SLC35E2B: variants seen among roughly 807,000 people sequenced by gnomAD.
SLC35E2B encodes the protein solute carrier family 35, member E2B.
A neutral mutation model predicts 32.4 loss-of-function variants in SLC35E2B; 18 were observed. That is an observed-to-expected ratio of 0.56 (90% CI 0.38 to 0.82). The LOEUF is 0.82. Ranked by LOEUF, SLC35E2B falls within the 40% of genes least tolerant of loss-of-function variation. The pLI is 0.00. For synonymous variants in SLC35E2B, 132 were observed against 209.1 expected (o/e 0.63, Z 3.18); for missense variants, 263 against 469.5 (o/e 0.56, Z 4.06).
Position 1,670,207 on chromosome 1 carries a change from G to C in SLC35E2B, c.708-56C>G, listed in dbSNP as rs555458885. Reference sequence around the variant, plus strand: ...TACTAGTCCTCGGCACGGAACATCAGGGGGAGAAGGTGTCTGCGCTCACAC... The same window carrying C: ...TACTAGTCCTCGGCACGGAACATCACGGGGAGAAGGTGTCTGCGCTCACAC... On this transcript the variant is annotated intron_variant, in intron 6 of 9. Coordinates refer to ENST00000617444, the MANE Select transcript of SLC35E2B (RefSeq NM_001290264.2). The C allele has an allele frequency of 4.6e-5, 60 of 1,291,400 alleles. 1 individual carries two copies. The Middle Eastern group carries it at 5.4e-4, about 12-fold the overall frequency. 80.0% of individuals were successfully genotyped at this position (1,291,400 alleles called of 1,614,324 possible).
At chr1:1,683,058 C>T (rs982245709) in intron 2 of SLC35E2B, among the ~76,000 whole-genome samples, 2 of 151,948 alleles carry the variant, frequency 1.3e-5, no homozygotes, top group African/African-American at 4.8e-5. Context: ...GCCTGGGGGA[C>T]AGAGCGAGAC....
At chr1:1,683,240 C>T (rs1351979539) in intron 2 of SLC35E2B, among the ~76,000 whole-genome samples, 1 of 152,150 alleles carries the variant, frequency 6.6e-6, no homozygotes, top group Non-Finnish European at 1.5e-5. Context: ...TCAATTCCCT[C>T]CCGAAGCCGT....
intron 6 of SLC35E2B, 135 bp downstream of exon 6, chr1:1,671,374 T>G: frequency 9.6e-7 from 1 of 1,037,178 alleles, no homozygotes; most frequent in Non-Finnish European, 1.3e-6. Context: ...GTTTTGCTCT[T>G]TAGGAAAGGG....
At chr1:1,688,471 G>C (rs1017624562) in intron 2 of SLC35E2B, among the ~76,000 whole-genome samples, 44 of 151,712 alleles carry the variant, frequency 2.9e-4, no homozygotes, top group African/African-American at 1.0e-3. Flanking sequence ...ATGATGGCGC[G>C]TGCCTGTAAT....
intron 2 of SLC35E2B, among the ~76,000 whole-genome samples, chr1:1,688,225 T>C (rs1341486589): frequency 6.6e-6 from 1 of 151,594 alleles, no homozygotes; most frequent in Admixed American, 6.6e-5. Context: ...ATCATCAGAG[T>C]GACAGAATGA....
chr1:1,671,771 T>G, intron 5 of SLC35E2B, 142 bp from the exon 6 acceptor site: 1 of 971,982 alleles, frequency 1.0e-6, no homozygotes, highest in Non-Finnish European at 1.4e-6. Context: ...TTTCTTCACA[T>G]TGTGAGATAA....
At chr1:1,684,771 C>A (rs1305093178) in intron 2 of SLC35E2B, among the ~76,000 whole-genome samples, 5 of 111,934 alleles carry the variant, frequency 4.5e-5, no homozygotes, top group South Asian at 5.8e-4. Context: ...GCCTGGGCAA[C>A]AGAGCGAGAC....
At chr1:1,670,960 C>G (rs964557066) in intron 6 of SLC35E2B, 1 of 152,134 alleles carries the variant, frequency 6.6e-6, no homozygotes, top group South Asian at 2.1e-4. Context: ...GAACGGCCCC[C>G]GAAGTGCAGC....
At chr1:1,678,942 G>A (rs982689859) in intron 2 of SLC35E2B, among the ~76,000 whole-genome samples, 35 of 152,126 alleles carry the variant, frequency 2.3e-4, no homozygotes, top group African/African-American at 7.7e-4. Flanking sequence ...CAAAGGGTGC[G>A]GCAGAGCAAA....
At chr1:1,667,823 C>T (rs973826387) in intron 9 of SLC35E2B, among the ~76,000 whole-genome samples, 12 of 151,804 alleles carry the variant, frequency 7.9e-5, no homozygotes, top group African/African-American at 1.9e-4. Context: ...ACACAGTTTA[C>T]GGTTTATTTT....
intron 5 of SLC35E2B, chr1:1,672,153 C>CA (rs1643711487): frequency 2.6e-5 from 4 of 152,674 alleles, no homozygotes; most frequent in Admixed American, 2.6e-4. Flanking sequence ...CACTTGAGCC[C>CA]AGGGGTTCAA....
intron 2 of SLC35E2B, among the ~76,000 whole-genome samples, chr1:1,681,695 T>C (rs566813831): frequency 5.3e-5 from 8 of 149,718 alleles, no homozygotes; most frequent in Non-Finnish European, 1.0e-4. Context: ...TTAGAAGAGA[T>C]AGGATTTAGG....
At chr1:1,683,350 C>T (rs1198257691) in intron 2 of SLC35E2B, among the ~76,000 whole-genome samples, 1 of 152,126 alleles carries the variant, frequency 6.6e-6, no homozygotes, top group Admixed American at 6.5e-5. Context: ...TGCTTCTGAC[C>T]GGCAGCTATA....
chr1:1,679,316 A>G (rs566086644), intron 2 of SLC35E2B, among the ~76,000 whole-genome samples: 1 of 152,182 alleles, frequency 6.6e-6, no homozygotes, highest in South Asian at 2.1e-4. Flanking sequence ...CAGTCTGTCC[A>G]CTTAGCTTCC....
chr1:1,673,408 G>A (rs1450097054), intron 5 of SLC35E2B: 8 of 376,130 alleles, frequency 2.1e-5, no homozygotes, highest in African/African-American at 6.4e-5. Context: ...AGCAGCTCAC[G>A]CCTGGAATCC....
chr1:1,668,726 G>GA (rs1643607806), intron 8 of SLC35E2B, among the ~76,000 whole-genome samples: 1 of 152,130 alleles, frequency 6.6e-6, no homozygotes, highest in Non-Finnish European at 1.5e-5. Flanking sequence ...ACAAGCACAT[G>GA]AAAGAGGCTG....
At chr1:1,666,710 T>C (rs1241456798) in intron 9 of SLC35E2B, among the ~76,000 whole-genome samples, 1 of 150,652 alleles carries the variant, frequency 6.6e-6, no homozygotes, top group Non-Finnish European at 1.5e-5. Flanking sequence ...GTGTGGGGGC[T>C]CATGCTTGTA....
intron 2 of SLC35E2B, among the ~76,000 whole-genome samples, chr1:1,677,719 C>T (rs112526723): frequency 2.6e-5 from 4 of 151,732 alleles, no homozygotes; most frequent in Non-Finnish European, 2.9e-5. Context: ...ATCTCCTGAC[C>T]TCGTGAACCG....
At chr1:1,683,929 G>A (rs1021611076) in intron 2 of SLC35E2B, among the ~76,000 whole-genome samples, 5 of 152,156 alleles carry the variant, frequency 3.3e-5, no homozygotes, top group Admixed American at 2.6e-4. Flanking sequence ...AGTCCTCCAG[G>A]TGCAGGTGCC....
Sources: gnomAD v4.1 joint callset for allele counts (sites outside exome capture counted in the v4.1 genomes callset) on GRCh38, gnomAD v4.1.1 for gene constraint, MANE v1.5 for transcripts, NCBI Gene and HGNC (gene_info 2026-07-23, HGNC 2026-07-21) for gene names.